Variants in PPP1R37 observed in about 807,000 individuals in gnomAD.
PPP1R37 encodes leucine rich repeat containing 68.
In PPP1R37, 21 loss-of-function variants were observed where a neutral mutation model predicts 61.0. The ratio of observed to expected loss-of-function variants is 0.34; its 90% CI spans 0.24 to 0.50. PPP1R37 has a LOEUF of 0.50. PPP1R37 is among the 20% of genes least tolerant of loss of function. The pLI, the probability that PPP1R37 is intolerant of heterozygous loss-of-function variation, is 0.98. For missense variants in PPP1R37, 910 were observed against 952.7 expected (o/e 0.96, Z 0.59); for synonymous variants, 443 against 433.5 (o/e 1.02, Z -0.27).
intron 1 of PPP1R37, chr19:45,108,883 C>G (rs906970649): frequency 6.6e-6 from 1 of 152,180 alleles, no homozygotes; most frequent in Non-Finnish European, 1.5e-5. Context: ...TCAGGTGATC[C>G]ACGCGCCTTG....
Position 45,142,337 on chromosome 19 carries a change from G to T in PPP1R37, c.753G>T (p.Glu251Asp). The T allele has an allele frequency of 6.5e-7, 1 of 1,536,102 alleles. No homozygotes were observed. Among genetic ancestry groups the T allele is most frequent in the Non-Finnish European group, 8.7e-7 (1 of 1,146,912 alleles). ...TALKMNMNLR[E>D]LYLADNKLNG... Reference sequence around the variant, plus strand: ...TGAAGATGAACATGAACCTGCGGGAGCTGTACCTGGCGGACAACAAGCTCA... The same window carrying T: ...TGAAGATGAACATGAACCTGCGGGATCTGTACCTGGCGGACAACAAGCTCA... The change falls in exon 7 of 13, where the codon GAG becomes GAT. Residue 251 changes from glutamate (E) to aspartate (D), a missense_variant. Around this residue, in one of 3 missense-constraint regions of PPP1R37, gnomAD observed 280 missense variants for 382.2 expected, o/e 0.73. Coordinates refer to ENST00000221462, the MANE Select transcript of PPP1R37 (RefSeq NM_019121.2).
At chr19:45,142,562 C>A in intron 7 of PPP1R37, 104 bp downstream of exon 7, 1 of 1,192,298 alleles carries the variant, frequency 8.4e-7, no homozygotes, top group Non-Finnish European at 1.2e-6. Context: ...AAGACCACCC[C>A]AACGCTGTCC....
chr19:45,139,541 G>A (rs1280404811), intron 2 of PPP1R37, among the ~76,000 whole-genome samples: 2 of 150,082 alleles, frequency 1.3e-5, no homozygotes, highest in Non-Finnish European at 2.9e-5. Context: ...TTCCAGGGTT[G>A]CCTGTCCTCG....
intron 1 of PPP1R37, among the ~76,000 whole-genome samples, chr19:45,117,564 G>A (rs373254379): frequency 1.3e-5 from 2 of 152,180 alleles, no homozygotes; most frequent in African/African-American, 4.8e-5. Flanking sequence ...TGCACAGGAC[G>A]TGGGTTTTCC....
At chr19:45,094,565 A>G (rs896154899) in intron 1 of PPP1R37, among the ~76,000 whole-genome samples, 3 of 152,162 alleles carry the variant, frequency 2.0e-5, no homozygotes, top group African/African-American at 2.4e-5. Flanking sequence ...CGTCTCTACT[A>G]AAAATACAGA....
At chr19:45,117,156 A>G (rs1003176862) in intron 1 of PPP1R37, among the ~76,000 whole-genome samples, 2 of 151,542 alleles carry the variant, frequency 1.3e-5, no homozygotes, top group Non-Finnish European at 2.9e-5. Flanking sequence ...CAAGTGATGC[A>G]CCCGCCTCAG....
chr19:45,119,153 T>C (rs1250907529), intron 1 of PPP1R37, among the ~76,000 whole-genome samples: 1 of 151,124 alleles, frequency 6.6e-6, no homozygotes, highest in Non-Finnish European at 1.5e-5. Flanking sequence ...AACACCCGTC[T>C]AATTTTTTTT....
Position 45,093,375 on chromosome 19 carries a change from A to G in PPP1R37, c.50A>G (p.Asp17Gly). ...EAPPVPGADG[D>G]IEEAPAEAGS... The stretch of plus-strand genomic sequence containing the variant: ...CCGCCCGTGCCGGGCGCGGACGGCG[A>G]CATTGAAGAGGCCCCAGCTGAGGCC... Residue 17 changes from aspartate (D) to glycine (G), a missense_variant, in exon 1 of 13, where the codon GAC becomes GGC. Transcript: ENST00000221462. 6.6e-7 allele frequency: 1 copy of G among 1,521,202 alleles called. No homozygotes were observed. The highest frequency in any genetic ancestry group is 8.8e-7 in the Non-Finnish European group (1 of 1,138,286). The allele number at this position is 1,521,202 out of a possible 1,614,324, so 94.2% of individuals were successfully genotyped here.
chr19:45,127,366 A>C (rs1248289232), intron 1 of PPP1R37, among the ~76,000 whole-genome samples: 2 of 151,426 alleles, frequency 1.3e-5, no homozygotes, highest in South Asian at 2.1e-4. Context: ...AAAAAAAAAA[A>C]AAAAAAAAAA....
At position 45,093,299 on chromosome 19, in the gene PPP1R37, G is replaced by T; in HGVS notation, c.-27G>T. 7.2e-7 allele frequency: 1 copy of T among 1,383,032 alleles called. No homozygotes were observed. Among genetic ancestry groups the T allele is most frequent in the Non-Finnish European group, 9.3e-7 (1 of 1,074,556 alleles). The allele number at this position is 1,383,032 out of a possible 1,614,324, so 85.7% of individuals were successfully genotyped here. A position where few individuals can be genotyped will look rare whatever the true frequency, so the allele number is the denominator to read the frequency against. ...TCCGGGGCCCGGGGCATGTCCCCGG[G>T]GCCCCCGTGAGGAGGCGGCGGCGGC... On this transcript the variant is annotated 5_prime_UTR_variant, in exon 1 of 13. Transcript: ENST00000221462.
chr19:45,144,273 A>G (rs1445011490), intron 8 of PPP1R37: 1 of 152,262 alleles, frequency 6.6e-6, no homozygotes, highest in Non-Finnish European at 1.5e-5. Flanking sequence ...TCGGCCTCCC[A>G]AAGTGCTGGG....
intron 1 of PPP1R37, among the ~76,000 whole-genome samples, chr19:45,104,010 C>T (rs1294212674): frequency 1.3e-5 from 2 of 152,112 alleles, no homozygotes; most frequent in Non-Finnish European, 2.9e-5. Flanking sequence ...ACACAGGCGC[C>T]TCTGCCTAGC....
At chr19:45,095,758 TAA>T (rs371559844) in intron 1 of PPP1R37, among the ~76,000 whole-genome samples, 70 of 117,022 alleles carry the variant, frequency 6.0e-4, no homozygotes, top group Non-Finnish European at 5.9e-4. Flanking sequence ...GACCCGGTCT[TAA>T]AAAAAAAAAA....
At chr19:45,143,026 G>T (rs754590455) in intron 7 of PPP1R37, 4 of 167,040 alleles carry the variant, frequency 2.4e-5, no homozygotes, top group Non-Finnish European at 5.2e-5. Flanking sequence ...GGGTGGGGTG[G>T]GTCACTGTGT....
rs1233991088 is a variant in PPP1R37 at position 45,144,941 on chromosome 19, A to G, written c.1075A>G (p.Ser359Gly). The change falls in exon 9 of 13, where the codon AGC becomes GGC. Residue 359 changes from serine (S) to glycine (G), a missense_variant. Physicochemically the swap from Ser to Gly is moderately conservative, Grantham distance 56. Around this residue, in one of 3 missense-constraint regions of PPP1R37, gnomAD observed 549 missense variants for 505.1 expected, o/e 1.09. Coordinates refer to ENST00000221462, the MANE Select transcript of PPP1R37 (RefSeq NM_019121.2). ...GVRHLKNGLI[S>G]NRSVLRLGLA... The stretch of plus-strand genomic sequence containing the variant: ...GCGGCACCTCAAGAACGGGCTCATC[A>G]GCAACCGCAGCGTGCTGCGCCTCGG... 1.3e-6 allele frequency: 2 copies of G among 1,535,608 alleles called. No individual in the cohort carries two copies. The highest frequency in any genetic ancestry group is 2.0e-5 in the Admixed American group (1 of 50,958).
rs1029469942 is a variant in PPP1R37 at position 45,103,450 on chromosome 19, C to T, written c.202+9923C>T. Reference sequence around the variant, plus strand: ...TAGCAAGCTGGCGCTTGGGACCCGCCGGGGTCGGACTCGTGTGCCACCTTC... The same window carrying T: ...TAGCAAGCTGGCGCTTGGGACCCGCTGGGGTCGGACTCGTGTGCCACCTTC... On this transcript the variant is annotated intron_variant, in intron 1 of 12. Transcript: ENST00000221462. Among the ~76,000 whole-genome samples, 8 of 152,320 alleles carry T rather than the reference C, an allele frequency of 5.3e-5. No homozygotes were observed. The East Asian group carries it at 1.2e-3, about 22-fold the overall frequency.
chr19:45,142,543 G>A (rs1968628216), intron 7 of PPP1R37, 85 bp downstream of exon 7: 1 of 1,389,258 alleles, frequency 7.2e-7, no homozygotes, highest in African/African-American at 1.4e-5. Context: ...TGGGGACACA[G>A]ACATGGCCAA....
At chr19:45,116,005 G>T (rs534637657) in intron 1 of PPP1R37, among the ~76,000 whole-genome samples, 5 of 151,834 alleles carry the variant, frequency 3.3e-5, no homozygotes, top group Non-Finnish European at 7.4e-5. Flanking sequence ...GTGTCACATG[G>T]GGGGACTCGG....
At chr19:45,116,730 C>A (rs1006220971) in intron 1 of PPP1R37, among the ~76,000 whole-genome samples, 1 of 152,146 alleles carries the variant, frequency 6.6e-6, no homozygotes, top group African/African-American at 2.4e-5. Flanking sequence ...GCGACAGACA[C>A]CACAGTGACG....
Sources: gnomAD v4.1 joint callset for allele counts (sites outside exome capture counted in the v4.1 genomes callset) on GRCh38, gnomAD v4.1.1 for gene constraint, gnomAD v4.1.1 regional missense constraint, MANE v1.5 for transcripts, NCBI Gene and HGNC (gene_info 2026-07-23, HGNC 2026-07-21) for gene names.